DOCK7: variants seen among roughly 807,000 people sequenced by gnomAD.
DOCK7 encodes the protein dedicator of cytokinesis protein 7.
Under a neutral mutation model 271.0 loss-of-function variants are expected in DOCK7, and 138 were observed. That is an observed-to-expected ratio of 0.51 (90% CI 0.44 to 0.59). The LOEUF is 0.59. Among genes scored for constraint, DOCK7 ranks in the 20% least tolerant of loss-of-function variants. DOCK7 has a pLI of 0.00. For missense variants in DOCK7, 2,066 were observed against 2,592.4 expected, an observed-to-expected ratio of 0.80 and a Z score of 4.41; for synonymous variants, 823 against 876.1, an observed-to-expected ratio of 0.94 and a Z score of 1.07.
rs201108715 is a variant in DOCK7 at position 62,457,719 on chromosome 1, G to C, written c.6213-14C>G. 47 of 1,610,318 alleles carry C rather than the reference G, an allele frequency of 2.9e-5. No individual in the cohort carries two copies. Among genetic ancestry groups the C allele is most frequent in the Non-Finnish European group, 3.8e-5 (45 of 1,178,682 alleles). ...GCATCTTCACACCTAGGAAAAACAGGATGTTATCAAGATATTACTTCTGGC... is the reference window on the plus strand; with the variant it reads ...GCATCTTCACACCTAGGAAAAACAGCATGTTATCAAGATATTACTTCTGGC... On this transcript the variant is annotated splice_polypyrimidine_tract_variant and intron_variant, in intron 48 of 49. Coordinates refer to ENST00000635253, the MANE Select transcript of DOCK7 (RefSeq NM_001367561.1).
chr1:62,557,047 T>C (rs910549495), intron 20 of DOCK7, among the ~76,000 whole-genome samples: 34 of 140,808 alleles, frequency 2.4e-4, no homozygotes, highest in African/African-American at 7.9e-4. Context: ...AAAGTTCTCA[T>C]GTTTTTCTTT....
intron 29 of DOCK7, among the ~76,000 whole-genome samples, chr1:62,533,742 G>A (rs1645249813): frequency 6.6e-6 from 1 of 152,052 alleles, no homozygotes; most frequent in African/African-American, 2.4e-5. Context: ...CAATTTATTC[G>A]GTATTGACTA....
chr1:62,578,485 C>T (rs1282522810), intron 17 of DOCK7, among the ~76,000 whole-genome samples: 4 of 151,832 alleles, frequency 2.6e-5, no homozygotes, highest in Non-Finnish European at 5.9e-5. Context: ...TTTGGGAGGC[C>T]GAGGCAGGCA....
intron 34 of DOCK7, 46 bp from the exon 35 acceptor site, chr1:62,508,104 T>C (rs777572158): frequency 6.6e-7 from 1 of 1,515,844 alleles, no homozygotes. Context: ...TTTTGAAAAC[T>C]ACAATTCTGA....
chr1:62,488,713 CTA>C (rs1164905522), intron 42 of DOCK7: 1 of 521,644 alleles, frequency 1.9e-6, no homozygotes, highest in Non-Finnish European at 3.4e-6. Flanking sequence ...AAAAAAAAAG[CTA>C]TGCAGAAAGT....
intron 49 of DOCK7, 94 bp downstream of exon 49, chr1:62,457,444 T>C (rs890736339): frequency 7.8e-7 from 1 of 1,277,730 alleles, no homozygotes. Flanking sequence ...GCTTTTCGGA[T>C]GACAGATGCT....
chr1:62,508,176 A>T, intron 34 of DOCK7, 118 bp from the exon 35 acceptor site: 1 of 922,244 alleles, frequency 1.1e-6, no homozygotes, highest in Non-Finnish European at 1.5e-6. Flanking sequence ...TGCCTGATAA[A>T]AAATTACAAG....
chr1:62,642,866 T>A (rs1656207004), intron 7 of DOCK7, among the ~76,000 whole-genome samples: 1 of 152,226 alleles, frequency 6.6e-6, no homozygotes, highest in African/African-American at 2.4e-5. Flanking sequence ...ATTTACCTCA[T>A]CATTTGCAGA....
chr1:62,495,939 C>A, intron 38 of DOCK7: 1 of 391,250 alleles, frequency 2.6e-6, no homozygotes, highest in Non-Finnish European at 4.5e-6. Context: ...AGAAATAAAA[C>A]AGAGGGATAT....
At chr1:62,636,443 A>T in intron 8 of DOCK7, 94 bp downstream of exon 8, 1 of 905,700 alleles carries the variant, frequency 1.1e-6, no homozygotes. Flanking sequence ...ATCTATGTTT[A>T]ACAGTTCTCA....
chr1:62,504,527 A>G, intron 37 of DOCK7, 103 bp downstream of exon 37: 2 of 1,257,372 alleles, frequency 1.6e-6, no homozygotes, highest in South Asian at 3.1e-5. Flanking sequence ...TAGACTAAAA[A>G]TATACAAAAA....
At chr1:62,582,762 C>T (rs1051115990) in intron 16 of DOCK7, among the ~76,000 whole-genome samples, 5 of 151,910 alleles carry the variant, frequency 3.3e-5, no homozygotes, top group African/African-American at 1.2e-4. Context: ...CCAAAGTTAG[C>T]AATTTCCCAA....
At chr1:62,647,443 A>G (rs1656806006) in intron 7 of DOCK7, among the ~76,000 whole-genome samples, 1 of 152,340 alleles carries the variant, frequency 6.6e-6, no homozygotes, top group Admixed American at 6.5e-5. Context: ...AATGATATAC[A>G]GAATTTAAAA....
intron 43 of DOCK7, chr1:62,483,644 A>G (rs553964538): frequency 2.0e-5 from 3 of 149,908 alleles, no homozygotes; most frequent in Admixed American, 1.3e-4. Context: ...GCATAGTAGC[A>G]TGGTCTCAGC....
chr1:62,641,693 C>T (rs1656046072), intron 7 of DOCK7: 2 of 394,606 alleles, frequency 5.1e-6, no homozygotes, highest in Non-Finnish European at 1.0e-5. Flanking sequence ...TGGCCTCAGC[C>T]TCATGCACCA....
At chr1:62,632,846 A>G (rs1444658674) in intron 10 of DOCK7, among the ~76,000 whole-genome samples, 1 of 151,972 alleles carries the variant, frequency 6.6e-6, no homozygotes. Context: ...GTGTGGTGGC[A>G]CATGCCTGTA....
chr1:62,487,192 T>C (rs1646319659), intron 43 of DOCK7: 1 of 407,020 alleles, frequency 2.5e-6, no homozygotes, highest in Non-Finnish European at 4.5e-6. Flanking sequence ...AACATATGGA[T>C]TTCCATGCAC....
chr1:62,675,875 A>C (rs550961190), intron 1 of DOCK7, among the ~76,000 whole-genome samples: 1 of 152,324 alleles, frequency 6.6e-6, no homozygotes, highest in Admixed American at 6.5e-5. Context: ...AATGTCTATA[A>C]TCAAAGAGGA....
intron 19 of DOCK7, among the ~76,000 whole-genome samples, chr1:62,560,434 C>T (rs902205537): frequency 1.3e-5 from 2 of 152,152 alleles, no homozygotes; most frequent in Non-Finnish European, 2.9e-5. Flanking sequence ...ATCTGAAGTA[C>T]GTAGGCACTT....
Sources: gnomAD v4.1 joint callset for allele counts (sites outside exome capture counted in the v4.1 genomes callset) on GRCh38, gnomAD v4.1.1 for gene constraint, MANE v1.5 for transcripts, NCBI Gene and HGNC (gene_info 2026-07-23, HGNC 2026-07-21) for gene names.